The following EHBP1 variants were observed in gnomAD, a reference collection of about 807,000 sequenced individuals.
EHBP1 encodes EH domain binding protein 1, also known as EH domain-binding protein 1.
A neutral mutation model predicts 144.0 loss-of-function variants in EHBP1; 55 were observed. The observed-to-expected ratio is 0.38, with a 90% confidence interval of 0.31 to 0.48. The LOEUF is 0.48. Among genes scored for constraint, EHBP1 ranks in the 20% least tolerant of loss-of-function variants. The probability of loss-of-function intolerance (pLI) is 0.98; values close to 1 mark genes in which losing one functional copy is unlikely to be tolerated. For synonymous variants in EHBP1, 469 were observed against 472.7 expected, an observed-to-expected ratio of 0.99 and a Z score of 0.10; for missense variants, 1,200 against 1,364.2, an observed-to-expected ratio of 0.88 and a Z score of 1.90.
At chr2:62,995,020 T>C (rs938602595) in intron 18 of EHBP1, among the ~76,000 whole-genome samples, 3 of 152,134 alleles carry the variant, frequency 2.0e-5, no homozygotes, top group African/African-American at 7.2e-5. Flanking sequence ...TGTATTTGTT[T>C]TTTGTATTAT....
chr2:63,033,613 C>G (rs72890532), intron 19 of EHBP1, among the ~76,000 whole-genome samples: 343 of 152,146 alleles, frequency 2.3e-3, no homozygotes, highest in African/African-American at 7.9e-3. Flanking sequence ...TTAGGAAAAG[C>G]TAATGAGAAG....
chr2:62,718,415 C>T lies in EHBP1; in HGVS notation c.104+11120C>T, dbSNP rs140383374. Among the ~76,000 whole-genome samples, 140 of 152,304 alleles carry T rather than the reference C, an allele frequency of 9.2e-4. 2 individuals are homozygous for T. The highest frequency in any genetic ancestry group is 3.0e-3 in the African/African-American group (123 of 41,570). On this transcript the variant is annotated intron_variant, in intron 2 of 22. Coordinates refer to ENST00000431489, the MANE Select transcript of EHBP1 (RefSeq NM_001142616.3). ...ATGCTCACTAGCCACATGTGGCTAG[C>T]GGCCACCATCTTGGATAGTGCAAAT... is the stretch of plus-strand genomic sequence containing the variant.
Position 62,771,346 on chromosome 2 carries a change from A to G in EHBP1, c.266A>G (p.His89Arg), listed in dbSNP as rs2041646794. 3.1e-6 allele frequency: 5 copies of G among 1,594,846 alleles called. No homozygotes were observed. The South Asian group carries it at 4.6e-5, about 15-fold the overall frequency. The change falls in exon 5 of 23, where the codon CAT (histidine) becomes CGT (arginine). Residue 89 changes from histidine (H) to arginine (R), a missense_variant. Transcript: ENST00000431489. The part of the protein sequence containing the change: ...EITVTLFKDP[H>R]AEEFEDKEWT... ...ATTTTGCTTTTGTTACAGGATCCTC[A>G]TGCGGAAGAATTTGAAGACAAAGAG...
intron 15 of EHBP1, among the ~76,000 whole-genome samples, chr2:62,985,034 C>A (rs974577865): frequency 6.6e-6 from 1 of 152,086 alleles, no homozygotes; most frequent in Admixed American, 6.6e-5. Context: ...CTCACCCTTA[C>A]TCTCCTCAGT....
chr2:63,021,072 C>T (rs1212257728), intron 19 of EHBP1, among the ~76,000 whole-genome samples: 2 of 147,480 alleles, frequency 1.4e-5, no homozygotes, highest in African/African-American at 5.0e-5. Context: ...CCTCCCACCT[C>T]AGCCTTCCAA....
intron 5 of EHBP1, among the ~76,000 whole-genome samples, chr2:62,799,236 G>A (rs1371358250): frequency 6.6e-6 from 1 of 152,064 alleles, no homozygotes; most frequent in African/African-American, 2.4e-5. Flanking sequence ...CCTGTAACCA[G>A]GTACATTATC....
chr2:62,965,802 T>C (rs1302807408), intron 14 of EHBP1, among the ~76,000 whole-genome samples: 2 of 152,316 alleles, frequency 1.3e-5, no homozygotes, highest in Admixed American at 6.5e-5. Context: ...CTTTATGCAC[T>C]CTACGTGTCT....
At chr2:63,003,513 T>C (rs1261964796) in intron 19 of EHBP1, among the ~76,000 whole-genome samples, 2 of 152,068 alleles carry the variant, frequency 1.3e-5, no homozygotes, top group Non-Finnish European at 1.5e-5. Context: ...GCATAAAACT[T>C]CATTTCTATG....
intron 14 of EHBP1, among the ~76,000 whole-genome samples, chr2:62,969,434 AAG>A (rs1407754742): frequency 1.3e-5 from 2 of 152,182 alleles, no homozygotes; most frequent in Non-Finnish European, 2.9e-5. Flanking sequence ...TCTTGAAACA[AAG>A]AGATATATTT....
At chr2:62,767,833 C>CAAAAA (rs1208266767) in intron 4 of EHBP1, among the ~76,000 whole-genome samples, 1 of 76,420 alleles carries the variant, frequency 1.3e-5, no homozygotes, top group Non-Finnish European at 2.4e-5. Flanking sequence ...AAGACTCTGT[C>CAAAAA]AAAAAAAAAA....
chr2:62,679,481 A>G (rs10184918), intron 1 of EHBP1, among the ~76,000 whole-genome samples: 64,696 of 151,894 alleles, frequency 0.43, 14,169 homozygotes, highest in East Asian at 0.69. Flanking sequence ...ATTTTCTTTT[A>G]GATTATTTTT....
chr2:62,996,862 GT>G, intron 19 of EHBP1, 96 bp downstream of exon 19: 1 of 1,530,076 alleles, frequency 6.5e-7, no homozygotes, highest in Non-Finnish European at 8.8e-7. Context: ...AAGCCTGAAT[GT>G]TCAGCAAAAC....
chr2:62,971,708 A>G (rs976470978), intron 14 of EHBP1, among the ~76,000 whole-genome samples: 1 of 152,230 alleles, frequency 6.6e-6, no homozygotes, highest in Non-Finnish European at 1.5e-5. Flanking sequence ...TCAGAGTTGT[A>G]AGGAGTAAAT....
chr2:62,819,667 G>A (rs1048269014), intron 5 of EHBP1, among the ~76,000 whole-genome samples: 1 of 151,950 alleles, frequency 6.6e-6, no homozygotes, highest in Non-Finnish European at 1.5e-5. Flanking sequence ...GGGAGACTGA[G>A]GAAGGAGAAT....
At chr2:62,893,732 A>G (rs941751145) in intron 10 of EHBP1, among the ~76,000 whole-genome samples, 3 of 152,138 alleles carry the variant, frequency 2.0e-5, no homozygotes, top group South Asian at 2.1e-4. Flanking sequence ...GTGGCGAGGT[A>G]GTATCCTCTA....
intron 10 of EHBP1, among the ~76,000 whole-genome samples, chr2:62,875,071 C>T (rs547300230): frequency 3.3e-5 from 5 of 152,330 alleles, no homozygotes; most frequent in South Asian, 2.1e-4. Context: ...CCACCCTGCC[C>T]CTGCCAGCAT....
At chr2:62,938,551 C>T (rs1360469495) in intron 10 of EHBP1, among the ~76,000 whole-genome samples, 1 of 152,170 alleles carries the variant, frequency 6.6e-6, no homozygotes, top group African/African-American at 2.4e-5. Context: ...TATTACCGTT[C>T]ACATGTAATC....
At chr2:62,763,751 G>C (rs548986117) in intron 3 of EHBP1, among the ~76,000 whole-genome samples, 2 of 152,190 alleles carry the variant, frequency 1.3e-5, no homozygotes, top group South Asian at 4.1e-4. Flanking sequence ...CAGTAACTAG[G>C]AATATTACCT....
At chr2:62,713,856 T>G (rs1406327374) in intron 2 of EHBP1, among the ~76,000 whole-genome samples, 1 of 152,234 alleles carries the variant, frequency 6.6e-6, no homozygotes, top group African/African-American at 2.4e-5. Flanking sequence ...AAATTGTAAT[T>G]GTTACATATT....
Sources: gnomAD v4.1 joint callset for allele counts (sites outside exome capture counted in the v4.1 genomes callset) on GRCh38, gnomAD v4.1.1 for gene constraint, MANE v1.5 for transcripts, NCBI Gene and HGNC (gene_info 2026-07-23, HGNC 2026-07-21) for gene names.